Variants in TSPAN32 observed in about 807,000 individuals in gnomAD.
TSPAN32 encodes the protein tetraspanin 32.
Under a neutral mutation model 42.7 loss-of-function variants are expected in TSPAN32, and 47 were observed. The observed-to-expected ratio is 1.10, with a 90% CI of 0.87 to 1.40. The LOEUF is 1.40. Among genes scored for constraint, TSPAN32 ranks in the 40% most tolerant of loss-of-function variants. The pLI, the probability that TSPAN32 is intolerant of heterozygous loss-of-function variation, is 0.00. For synonymous variants in TSPAN32, 175 were observed against 175.9 expected (o/e 0.99, Z 0.04); for missense variants, 469 against 424.1 (o/e 1.11, Z -0.93).
intron 4 of TSPAN32, among the ~76,000 whole-genome samples, chr11:2,312,689 C>G (rs546934103): frequency 2.6e-5 from 4 of 152,338 alleles, no homozygotes; most frequent in South Asian, 4.1e-4. Flanking sequence ...CGTAAGCCAC[C>G]CTTCCTTTCT....
intron 3 of TSPAN32, among the ~76,000 whole-genome samples, chr11:2,306,289 C>G (rs935277575): frequency 6.6e-6 from 1 of 152,180 alleles, no homozygotes; most frequent in African/African-American, 2.4e-5. Context: ...TCCGGCCTCT[C>G]CCCTAGCTGG....
intron 3 of TSPAN32, among the ~76,000 whole-genome samples, chr11:2,306,238 G>A (rs981933694): frequency 1.3e-5 from 2 of 152,108 alleles, no homozygotes; most frequent in Admixed American, 6.5e-5. Flanking sequence ...CTGGGCGCCT[G>A]GATGCTCCCC....
rs962132850 is a variant in TSPAN32 at position 2,313,363 on chromosome 11, A to G, written c.355-291A>G. On this transcript the variant is annotated intron_variant, in intron 4 of 9. Coordinates refer to ENST00000182290, the MANE Select transcript of TSPAN32 (RefSeq NM_139022.3). This position sits in a 1 kb window ranked among gnomAD's most constrained non-coding sequence, Gnocchi z 9.1. Reference sequence around the variant, plus strand: ...GGCCAACCTTGTAAGACCACAGCGGAGGCGGACGCAGAGCTTGGCCTCTGC... The same window carrying G: ...GGCCAACCTTGTAAGACCACAGCGGGGGCGGACGCAGAGCTTGGCCTCTGC... Among the ~76,000 whole-genome samples the G allele has an allele frequency of 6.6e-6, 1 of 152,144 alleles. No homozygotes were observed. The highest frequency in any genetic ancestry group is 1.5e-5 in the Non-Finnish European group (1 of 68,028).
chr11:2,305,373 C>CCCG (rs930282238), intron 3 of TSPAN32, among the ~76,000 whole-genome samples: 2 of 149,128 alleles, frequency 1.3e-5, no homozygotes, highest in Non-Finnish European at 3.0e-5. Flanking sequence ...GTAGTCTGCC[C>CCCG]CCCCCCCCAG....
intron 3 of TSPAN32, among the ~76,000 whole-genome samples, chr11:2,306,757 AGAG>A (rs1848115292): frequency 7.4e-6 from 1 of 135,070 alleles, no homozygotes; most frequent in Admixed American, 7.3e-5. Flanking sequence ...GGAGGAGGGC[AGAG>A]GAGAAGGAGG....
chr11:2,317,681 G>C lies in TSPAN32; in HGVS notation c.901+156G>C. On this transcript the variant is annotated intron_variant, in intron 9 of 9. Transcript: ENST00000182290. The surrounding 1 kb of genome is among the most constrained non-coding windows in gnomAD (Gnocchi z 6.2). The stretch of plus-strand genomic sequence containing the variant: ...GCTCACCAAATCCCTCCATGGGAAC[G>C]GGCTGGGAGCAAGCACAAAGGAAAC... 3 of 985,422 alleles carry C rather than the reference G, an allele frequency of 3.0e-6. No individual in the cohort carries two copies. The highest frequency in any genetic ancestry group is 3.6e-6 in the Non-Finnish European group (3 of 829,926). 61.0% of individuals were successfully genotyped at this position (985,422 alleles called of 1,614,324 possible). A position where few individuals can be genotyped will look rare whatever the true frequency, so the allele number is the denominator to read the frequency against.
intron 2 of TSPAN32, 137 bp downstream of exon 2, chr11:2,303,095 G>A: frequency 2.6e-6 from 2 of 758,466 alleles, no homozygotes; most frequent in South Asian, 1.8e-5. Flanking sequence ...GGGGCAGGGA[G>A]GGGCTGCCCT....
chr11:2,318,028 A>C lies in TSPAN32; in HGVS notation c.*104A>C, dbSNP rs1203699472. The C allele has an allele frequency of 7.8e-6, 5 of 641,236 alleles. No homozygotes were observed. Among genetic ancestry groups the C allele is most frequent in the Non-Finnish European group, 1.4e-5 (5 of 357,440 alleles). The allele number at this position is 641,236 out of a possible 1,614,324, so 39.7% of individuals were successfully genotyped here. The stretch of plus-strand genomic sequence containing the variant: ...CAAGTCAACTCCTCATGGCTGTAGG[A>C]CTGAGGTTCCCAAGTCCTTGTCCCT... On this transcript the variant is annotated 3_prime_UTR_variant, in exon 10 of 10. Coordinates refer to ENST00000182290, the MANE Select transcript of TSPAN32 (RefSeq NM_139022.3). This position sits in a 1 kb window ranked among gnomAD's most constrained non-coding sequence, Gnocchi z 4.2.
intron 3 of TSPAN32, among the ~76,000 whole-genome samples, chr11:2,308,296 C>A (rs1441940454): frequency 3.3e-5 from 5 of 152,108 alleles, no homozygotes. Context: ...GACTCAGACC[C>A]ACACCTCGAC....
chr11:2,313,762 G>T lies in TSPAN32; in HGVS notation c.456+7G>T, dbSNP rs377447225. On this transcript the variant is annotated splice_region_variant and intron_variant, in intron 5 of 9. Coordinates refer to ENST00000182290, the MANE Select transcript of TSPAN32 (RefSeq NM_139022.3). This position sits in a 1 kb window ranked among gnomAD's most constrained non-coding sequence, Gnocchi z 9.1. ...GGCGGCCATCCAGGACGTGGTGAGC[G>T]TGGGGACGGCTGGGTGGCAGGGCGG... 1.9e-6 allele frequency: 3 copies of T among 1,583,338 alleles called. No homozygotes were observed.
Position 2,316,405 on chromosome 11 carries a change from A to T in TSPAN32, c.627+93A>T, listed in dbSNP as rs746496683. ...AGATGGAAGGGTGACCCGGGACAGG[A>T]TCTCTGGTCTTGAGCCTCACTGGCT... On this transcript the variant is annotated intron_variant, in intron 7 of 9. Transcript: ENST00000182290. 18 of 1,544,200 alleles carry T rather than the reference A, an allele frequency of 1.2e-5. No homozygotes were observed. The South Asian group carries it at 2.1e-4, about 18-fold the overall frequency.
At chr11:2,315,618 G>A (rs1241133046) in intron 6 of TSPAN32, 1 of 1,183,538 alleles carries the variant, frequency 8.4e-7, no homozygotes, top group Admixed American at 3.6e-5. Context: ...GCCTGCGGGG[G>A]ACAGGAGGGT....
intron 6 of TSPAN32, 89 bp downstream of exon 6, chr11:2,314,660 C>T (rs1338874351): frequency 1.5e-5 from 16 of 1,067,482 alleles, no homozygotes; most frequent in Non-Finnish European, 1.7e-5. Flanking sequence ...GCCATCCTCC[C>T]ACCCCACCCC....
intron 3 of TSPAN32, among the ~76,000 whole-genome samples, chr11:2,307,956 T>C (rs1259817471): frequency 6.6e-6 from 1 of 152,128 alleles, no homozygotes; most frequent in African/African-American, 2.4e-5. Context: ...GTGCCTTGTT[T>C]CAGAAAAGAA....
rs1207413462 is a variant in TSPAN32, at chr11:2,317,008, G to A, written c.720-336G>A. 6.6e-6 allele frequency among the ~76,000 whole-genome samples: 1 copy of A among 151,986 alleles called. No individual in the cohort carries two copies. The highest frequency in any genetic ancestry group is 1.5e-5 in the Non-Finnish European group (1 of 67,958). ...CCCCAGAGCTCCTCATGCTTAGGGGGCAGGGAGGGTCCAACCCACAGCCAG... is the reference window on the plus strand; with the variant it reads ...CCCCAGAGCTCCTCATGCTTAGGGGACAGGGAGGGTCCAACCCACAGCCAG... On this transcript the variant is annotated intron_variant, in intron 8 of 9. Coordinates refer to ENST00000182290, the MANE Select transcript of TSPAN32 (RefSeq NM_139022.3). The surrounding 1 kb of genome is among the most constrained non-coding windows in gnomAD (Gnocchi z 6.2).
In TSPAN32 at chr11:2,317,350, T is replaced by A; in HGVS notation, c.726T>A (p.Cys242Ter). 6.3e-7 allele frequency: 1 copy of A among 1,589,242 alleles called. No individual in the cohort carries two copies. The highest frequency in any genetic ancestry group is 8.6e-7 in the Non-Finnish European group (1 of 1,168,034). ...KGKYTLTPRA[C>*]GRQPQEPSLL... ...TGATCCCCTTGCTCCTCAGAGCATG[T>A]GGCCGCCAGCCCCAGGAGCCCAGCC... is the stretch of plus-strand genomic sequence containing the variant. The change falls in exon 9 of 10, where the codon TGT (cysteine) becomes TGA (stop). Residue 242 changes from cysteine to a stop codon, truncating the protein, a stop_gained. Coordinates refer to ENST00000182290, the MANE Select transcript of TSPAN32 (RefSeq NM_139022.3). LOFTEE classifies it high-confidence loss of function. This position sits in a 1 kb window ranked among gnomAD's most constrained non-coding sequence, Gnocchi z 6.2.
In TSPAN32 at chr11:2,317,948, T is replaced by C; in HGVS notation, c.*24T>C. The C allele has an allele frequency of 1.1e-6, 1 of 880,318 alleles. No individual in the cohort carries two copies. The highest frequency in any genetic ancestry group is 2.0e-6 in the Non-Finnish European group (1 of 512,548). The allele number at this position is 880,318 out of a possible 1,614,324, so 54.5% of individuals were successfully genotyped here. The stretch of plus-strand genomic sequence containing the variant: ...GACGTCAGGCCTTGGTGGGCTGCAC[T>C]CTCACCTGGAGGCTCCGGGGAAGCA... On this transcript the variant is annotated 3_prime_UTR_variant, in exon 10 of 10. Transcript: ENST00000182290. The surrounding 1 kb of genome is among the most constrained non-coding windows in gnomAD (Gnocchi z 6.2).
intron 3 of TSPAN32, among the ~76,000 whole-genome samples, chr11:2,306,740 C>T (rs908653310): frequency 6.9e-5 from 9 of 130,048 alleles, no homozygotes; most frequent in African/African-American, 2.1e-4. Flanking sequence ...AGGAGGAGGA[C>T]GAAGAAGGAG....
Position 2,316,312 on chromosome 11 carries a change from G to C in TSPAN32, c.627G>C (p.Thr209=), listed in dbSNP as rs777282787. The part of the protein sequence containing the change: ...SSLTSIGLAL[T]VSALLFSSFL... Reference sequence around the variant, plus strand: ...TGACCAGCATCGGCCTGGCCCTCACGGTACCCTCTCGCCTCCCTCACTGCC... The same window carrying C: ...TGACCAGCATCGGCCTGGCCCTCACCGTACCCTCTCGCCTCCCTCACTGCC... The change falls in exon 7 of 10, where the codon ACG becomes ACC. Residue 209 remains threonine (T), a splice_region_variant and synonymous_variant. Transcript: ENST00000182290. 49 of 1,596,912 alleles carry C rather than the reference G, an allele frequency of 3.1e-5. No individual in the cohort carries two copies. Among genetic ancestry groups the C allele is most frequent in the Non-Finnish European group, 4.1e-5 (48 of 1,174,528 alleles).
Sources: allele counts gnomAD v4.1 joint callset (sites outside exome capture counted in the v4.1 genomes callset), GRCh38; gene constraint gnomAD v4.1.1; non-coding constraint Gnocchi (gnomAD v3.1); transcripts MANE v1.5; gene names NCBI Gene and HGNC (gene_info 2026-07-23, HGNC 2026-07-21).